Variants in GPC4 observed in about 807,000 individuals in gnomAD.
GPC4 encodes the protein glypican 4.
GPC4 carries 10 observed loss-of-function variants against 35.0 expected under a neutral mutation model. That is an observed-to-expected ratio of 0.29 (90% CI 0.18 to 0.48). The LOEUF (loss-of-function observed/expected upper bound fraction) is 0.48, where lower values mean the gene tolerates loss of function less well. Ranked by LOEUF, GPC4 falls within the 20% of genes least tolerant of loss-of-function variation. The probability of loss-of-function intolerance (pLI) is 0.99; values close to 1 mark genes in which losing one functional copy is unlikely to be tolerated. For synonymous variants in GPC4, 167 were observed against 170.2 expected (o/e 0.98, Z 0.15); for missense variants, 322 against 451.3 (o/e 0.71, Z 2.60).
chrX:133,411,221 GA>G (rs1193578297), intron 1 of GPC4, among the ~76,000 whole-genome samples: 1 of 111,966 alleles, frequency 8.9e-6, no homozygotes, highest in Non-Finnish European at 1.9e-5. Context: ...AAGGGAACAA[GA>G]AATAAAAACT....
intron 3 of GPC4, among the ~76,000 whole-genome samples, chrX:133,312,648 A>AGAAG (rs1303911407): frequency 1.3e-3 from 112 of 87,603 alleles, no homozygotes; most frequent in African/African-American, 6.1e-3. Context: ...AAAGAAAGGA[A>AGAAG]GAAAGGAAGA....
chrX:133,335,348 G>T (rs1007351660), intron 2 of GPC4, among the ~76,000 whole-genome samples: 1 of 111,084 alleles, frequency 9.0e-6, no homozygotes, highest in Non-Finnish European at 1.9e-5. Flanking sequence ...AAACACAGAG[G>T]CCAGTCTTTA....
chrX:133,315,393 C>T (rs1052677020), intron 3 of GPC4, among the ~76,000 whole-genome samples: 13 of 110,474 alleles, frequency 1.2e-4, no homozygotes, highest in African/African-American at 3.6e-4. Flanking sequence ...ATACCAGGCA[C>T]TGCTGGGGGC....
intron 1 of GPC4, among the ~76,000 whole-genome samples, chrX:133,395,672 G>T (rs769744373): frequency 9.0e-6 from 1 of 111,241 alleles, no homozygotes; most frequent in Non-Finnish European, 1.9e-5. Context: ...AGAATGGTAC[G>T]AATTTTTTTA....
intron 4 of GPC4, among the ~76,000 whole-genome samples, chrX:133,309,963 T>G (rs941546661): frequency 8.9e-6 from 1 of 112,158 alleles, no homozygotes; most frequent in Non-Finnish European, 1.9e-5. Context: ...CTTTTCTGTG[T>G]GTAGAAGATT....
At chrX:133,336,004 C>T (rs1190224076) in intron 2 of GPC4, among the ~76,000 whole-genome samples, 1 of 111,543 alleles carries the variant, frequency 9.0e-6, no homozygotes, top group Non-Finnish European at 1.9e-5. Context: ...CTCTGTGCAA[C>T]TTCACTGCTC....
chrX:133,380,059 G>A (rs943924700), intron 1 of GPC4, among the ~76,000 whole-genome samples: 3 of 110,643 alleles, frequency 2.7e-5, no homozygotes, highest in Non-Finnish European at 3.8e-5. Flanking sequence ...GATGTGGGCC[G>A]GGCGTGGTGG....
chrX:133,378,295 C>T (rs1004935389), intron 1 of GPC4, among the ~76,000 whole-genome samples: 7 of 111,336 alleles, frequency 6.3e-5, no homozygotes, highest in African/African-American at 1.3e-4. Flanking sequence ...GGGCCGGGCA[C>T]GGTGGTTGAT....
intron 6 of GPC4, 115 bp downstream of exon 6, chrX:133,305,657 G>A (rs926488720): frequency 5.1e-6 from 5 of 977,368 alleles, no homozygotes; most frequent in Non-Finnish European, 7.0e-6. Flanking sequence ...CTATTTGCTT[G>A]AAAAGTGACA....
intron 3 of GPC4, among the ~76,000 whole-genome samples, chrX:133,319,460 A>AG (rs2068354297): frequency 9.4e-6 from 1 of 105,938 alleles, no homozygotes; most frequent in African/African-American, 3.4e-5. Context: ...AAAAAAAAAA[A>AG]AAAAAAAAAA....
At chrX:133,308,487 A>T (rs144053617) in intron 4 of GPC4, among the ~76,000 whole-genome samples, 1 of 112,007 alleles carries the variant, frequency 8.9e-6, no homozygotes, top group East Asian at 2.8e-4. Flanking sequence ...TTATATTTCC[A>T]AGTGAAGGTT....
chrX:133,381,067 T>C (rs1341018119), intron 1 of GPC4, among the ~76,000 whole-genome samples: 2 of 111,116 alleles, frequency 1.8e-5, no homozygotes, highest in Non-Finnish European at 3.8e-5. Flanking sequence ...GCATACTAAC[T>C]GGCCCTCCTA....
intron 3 of GPC4, among the ~76,000 whole-genome samples, chrX:133,322,759 A>G (rs2068372459): frequency 8.9e-6 from 1 of 112,272 alleles, no homozygotes; most frequent in Non-Finnish European, 1.9e-5. Flanking sequence ...AGTCCTCAAA[A>G]CAACCAAATG....
chrX:133,311,222 T>C (rs369641443), intron 4 of GPC4, 36 bp downstream of exon 4: 285 of 1,179,957 alleles, frequency 2.4e-4, no homozygotes, highest in Non-Finnish European at 3.1e-4. Flanking sequence ...AGCTAAGCTA[T>C]CTCCAGCAAC....
chrX:133,400,670 A>G (rs896852187), intron 1 of GPC4, among the ~76,000 whole-genome samples: 4 of 112,006 alleles, frequency 3.6e-5, no homozygotes, highest in African/African-American at 1.3e-4. Flanking sequence ...CACAAGTCCT[A>G]AAGAGTCAAC....
chrX:133,306,147 C>T lies in GPC4; in HGVS notation c.885G>A (p.Met295Ile). The part of the protein sequence containing the change: ...DFEWNNFIDA[M>I]LMVAERLEGP... ...CCTCTAGCCTCTCTGCCACCATCAG[C>T]ATAGCATCTAATATGAGGTTTGGGG... Residue 295 changes from methionine to isoleucine, a missense_variant, in exon 5 of 9, where the codon ATG becomes ATA. By Grantham distance (10) the Met-to-Ile change is conservative. This residue lies in a region of GPC4 where 163 missense variants were observed against 277.2 expected (regional missense o/e 0.59). Coordinates refer to ENST00000370828, the MANE Select transcript of GPC4 (RefSeq NM_001448.3). The T allele has an allele frequency of 8.3e-7, 1 of 1,211,341 alleles. No individual in the cohort carries two copies. Among genetic ancestry groups the T allele is most frequent in the East Asian group, 3.0e-5 (1 of 33,839 alleles).
intron 1 of GPC4, among the ~76,000 whole-genome samples, chrX:133,406,174 C>G (rs2068786216): frequency 8.9e-6 from 1 of 112,424 alleles, no homozygotes; most frequent in African/African-American, 3.2e-5. Context: ...GACACTTAAT[C>G]AATAAATGAC....
chrX:133,328,895 C>T (rs1380435871), intron 2 of GPC4, among the ~76,000 whole-genome samples: 2 of 111,836 alleles, frequency 1.8e-5, no homozygotes, highest in Admixed American at 1.9e-4. Context: ...TTAAGTAAAG[C>T]TACTGGTGTC....
intron 1 of GPC4, among the ~76,000 whole-genome samples, chrX:133,389,101 C>T (rs992190663): frequency 1.8e-5 from 2 of 109,579 alleles, no homozygotes; most frequent in African/African-American, 6.6e-5. Context: ...GAACTACAGG[C>T]GTGCGCCACT....
Sources: allele counts gnomAD v4.1 joint callset (sites outside exome capture counted in the v4.1 genomes callset), GRCh38; gene constraint gnomAD v4.1.1; regional missense constraint gnomAD v4.1.1; transcripts MANE v1.5; gene names NCBI Gene and HGNC (gene_info 2026-07-23, HGNC 2026-07-21).